Variants in VCAN observed in about 807,000 individuals in gnomAD.
The protein encoded by VCAN is versican core protein.
In VCAN, 44 loss-of-function variants were observed where a neutral mutation model predicts 245.5. The observed-to-expected ratio is 0.18, with a 90% CI of 0.14 to 0.23. The LOEUF is 0.23. VCAN is among the 10% of genes least tolerant of loss of function. The pLI is 1.00. For synonymous variants in VCAN, 1,413 were observed against 1,437.0 expected (o/e 0.98, Z 0.38); for missense variants, 3,793 against 4,057.9 (o/e 0.93, Z 1.77).
chr5:83,567,363 C>T (rs1340024788), intron 12 of VCAN, among the ~76,000 whole-genome samples: 2 of 151,968 alleles, frequency 1.3e-5, no homozygotes, highest in Non-Finnish European at 2.9e-5. Context: ...TGCAATGGTG[C>T]GATCTTGGCT....
rs1746858539 is a variant in VCAN at position 83,539,201 on chromosome 5, G to A, written c.6198G>A (p.Val2066=). 10 of 1,613,972 alleles carry A rather than the reference G, an allele frequency of 6.2e-6. No individual in the cohort carries two copies. Among genetic ancestry groups the A allele is most frequent in the Admixed American group, 1.7e-5 (1 of 59,942 alleles). Residue 2066 remains valine, a synonymous_variant, in exon 8 of 15, where the codon GTG becomes GTA. Coordinates refer to ENST00000265077, the MANE Select transcript of VCAN (RefSeq NM_004385.5). ...RRSTILPTAE[V]EGTKAPVEKE... Reference sequence around the variant, plus strand: ...CCACCATTTTACCAACAGCAGAAGTGGAAGGTACGAAAGCTCCAGTAGAGA... The same window carrying A: ...CCACCATTTTACCAACAGCAGAAGTAGAAGGTACGAAAGCTCCAGTAGAGA...
intron 6 of VCAN, among the ~76,000 whole-genome samples, chr5:83,514,678 C>T (rs1023926348): frequency 1.5e-4 from 23 of 152,048 alleles, no homozygotes; most frequent in African/African-American, 5.6e-4. Flanking sequence ...AGGTTGGTCT[C>T]GAACTCCTGA....
At chr5:83,476,388 A>C (rs1744391639) in intron 1 of VCAN, among the ~76,000 whole-genome samples, 1 of 152,264 alleles carries the variant, frequency 6.6e-6, no homozygotes, top group African/African-American at 2.4e-5. Flanking sequence ...GAAAGAAAGA[A>C]TTAATGACTG....
intron 6 of VCAN, among the ~76,000 whole-genome samples, chr5:83,516,028 C>A (rs568723421): frequency 6.6e-6 from 1 of 152,154 alleles, no homozygotes; most frequent in Non-Finnish European, 1.5e-5. Flanking sequence ...GTCAGGAGAT[C>A]GAGACCATCC....
At chr5:83,536,242 A>G (rs923100506) in intron 7 of VCAN, 2 of 152,176 alleles carry the variant, frequency 1.3e-5, no homozygotes, top group Non-Finnish European at 2.9e-5. Context: ...GTCACATCCC[A>G]GGAAGGATAA....
At position 83,580,432 on chromosome 5, in the gene VCAN, TG is replaced by T; in HGVS notation, c.10190del (p.Ter3397TyrfsTer3). 1 of 1,613,780 alleles carries T rather than the reference TG, an allele frequency of 6.2e-7. No individual in the cohort carries two copies. The highest frequency in any genetic ancestry group is 8.5e-7 in the Non-Finnish European group (1 of 1,179,862). On this transcript the variant is annotated frameshift_variant and stop_lost, in exon 15 of 15. Transcript: ENST00000265077. LOFTEE classifies it high-confidence loss of function. The stretch of plus-strand genomic sequence containing the variant: ...CCGGAGGTGGCAGGAGTCGAGGCGC[TG>T]ATCCCTAAAATGGCGAACATGTGTT... ...WSRRWQESRR[*>X]
At chr5:83,544,700 T>G (rs563106228) in intron 8 of VCAN, among the ~76,000 whole-genome samples, 1 of 152,326 alleles carries the variant, frequency 6.6e-6, no homozygotes, top group South Asian at 2.1e-4. Flanking sequence ...GAAAATACAC[T>G]TATCCAAGCA....
chr5:83,581,325 A>C lies in VCAN; in HGVS notation c.*891A>C, dbSNP rs916521626. 2 of 19,618 alleles carry C rather than the reference A, an allele frequency of 1.0e-4. No individual in the cohort carries two copies. The highest frequency in any genetic ancestry group is 2.7e-4 in the Non-Finnish European group (2 of 7,402). The allele number at this position is 19,618 out of a possible 1,614,324, so 1.2% of individuals were successfully genotyped here. A position where few individuals can be genotyped will look rare whatever the true frequency, so the allele number is the denominator to read the frequency against. On this transcript the variant is annotated 3_prime_UTR_variant, in exon 15 of 15. Transcript: ENST00000265077. ...GATTGTTAAAACACATGCAAAAAAA[A>C]AAAAAAAAAAAAAAAAAGAAATTTT...
chr5:83,541,258 A>C lies in VCAN; in HGVS notation c.8255A>C (p.Glu2752Ala). The C allele has an allele frequency of 6.2e-7, 1 of 1,613,968 alleles. No individual in the cohort carries two copies. Among genetic ancestry groups the C allele is most frequent in the Non-Finnish European group, 8.5e-7 (1 of 1,179,994 alleles). The change falls in exon 8 of 15, where the codon GAA (glutamate) becomes GCA (alanine). Residue 2752 changes from glutamate (E) to alanine (A), a missense_variant. Around this residue, in one of 5 missense-constraint regions of VCAN, gnomAD observed 3,182 missense variants for 3,250.3 expected, o/e 0.98. Transcript: ENST00000265077. ...TTTGAAAGGACTCAGGAGGAGTATG[A>C]AGACAAAAAACATGCTGGTCCTTCT... ...GQFERTQEEY[E>A]DKKHAGPSFQ...
rs1272284865 is a variant in VCAN, at chr5:83,540,280, A to T, written c.7277A>T (p.Tyr2426Phe). The T allele has an allele frequency of 1.9e-6, 3 of 1,614,132 alleles. No homozygotes were observed. The highest frequency in any genetic ancestry group is 1.1e-5 in the South Asian group (1 of 91,080). Residue 2426 changes from tyrosine (Y) to phenylalanine (F), a missense_variant, in exon 8 of 15, where the codon TAT becomes TTT. Tyr to Phe is a conservative substitution (Grantham distance 22). Coordinates refer to ENST00000265077, the MANE Select transcript of VCAN (RefSeq NM_004385.5). The stretch of plus-strand genomic sequence containing the variant: ...GCACCAAAACCATCTGACTTGTATT[A>T]TGAACCTTCTGGAGAAGGATCTGGA... ...TSAPKPSDLYYEPSGEGSGEV... is the reference protein window; with the variant it reads ...TSAPKPSDLYFEPSGEGSGEV...
chr5:83,574,945 A>G (rs922083166), intron 13 of VCAN, among the ~76,000 whole-genome samples: 1 of 152,230 alleles, frequency 6.6e-6, no homozygotes, highest in African/African-American at 2.4e-5. Context: ...CTTTTTCCCT[A>G]AACAAATAGA....
intron 7 of VCAN, among the ~76,000 whole-genome samples, chr5:83,530,972 G>A (rs907193660): frequency 2.6e-5 from 4 of 151,868 alleles, no homozygotes; most frequent in African/African-American, 9.7e-5. Flanking sequence ...GAATCAGGAG[G>A]GAAACACACA....
At chr5:83,532,443 G>A (rs1039414711) in intron 7 of VCAN, among the ~76,000 whole-genome samples, 3 of 152,086 alleles carry the variant, frequency 2.0e-5, no homozygotes, top group African/African-American at 7.2e-5. Context: ...GATGTTAAAA[G>A]TATGGGAAGA....
intron 10 of VCAN, among the ~76,000 whole-genome samples, chr5:83,551,805 G>C (rs1175637569): frequency 3.3e-5 from 5 of 152,116 alleles, no homozygotes; most frequent in Middle Eastern, 3.4e-3. Context: ...GTTCTTCCTA[G>C]CCCTCTCACC....
chr5:83,493,365 T>C (rs1052161797), intron 3 of VCAN, among the ~76,000 whole-genome samples, 181 bp from the exon 4 acceptor site: 4 of 152,202 alleles, frequency 2.6e-5, no homozygotes, highest in African/African-American at 9.6e-5. Flanking sequence ...ATGAATGGCA[T>C]TTTTGGAGCC....
chr5:83,493,002 A>G (rs368225465), intron 3 of VCAN, among the ~76,000 whole-genome samples: 26 of 152,244 alleles, frequency 1.7e-4, no homozygotes, highest in African/African-American at 4.8e-4. Context: ...CTCACTCATA[A>G]ATAGTCCAGT....
At chr5:83,570,658 A>G (rs182169580) in intron 12 of VCAN, among the ~76,000 whole-genome samples, 1 of 152,254 alleles carries the variant, frequency 6.6e-6, no homozygotes, top group African/African-American at 2.4e-5. Context: ...GCCAAGTATT[A>G]GAGATATAAA....
At chr5:83,533,880 T>C (rs1037925770) in intron 7 of VCAN, among the ~76,000 whole-genome samples, 2 of 152,158 alleles carry the variant, frequency 1.3e-5, no homozygotes, top group African/African-American at 2.4e-5. Flanking sequence ...ACTTTGTTAA[T>C]TGGAGCTAAA....
intron 12 of VCAN, among the ~76,000 whole-genome samples, chr5:83,566,502 T>C (rs932744679): frequency 7.4e-6 from 1 of 135,266 alleles, no homozygotes; most frequent in African/African-American, 3.2e-5. Context: ...GAAATTCACC[T>C]TGAACAGTGT....
Sources: gnomAD v4.1 joint callset for allele counts (sites outside exome capture counted in the v4.1 genomes callset) on GRCh38, gnomAD v4.1.1 for gene constraint, gnomAD v4.1.1 regional missense constraint, MANE v1.5 for transcripts, NCBI Gene and HGNC (gene_info 2026-07-23, HGNC 2026-07-21) for gene names.